NRIP1: variants seen among roughly 807,000 people sequenced by gnomAD.
NRIP1 encodes the protein nuclear receptor-interacting protein 1.
In NRIP1, 28 loss-of-function variants were observed where a neutral mutation model predicts 75.0. The observed-to-expected ratio is 0.37, with a 90% CI of 0.28 to 0.51. The LOEUF is 0.51. NRIP1 is among the 20% of genes least tolerant of loss of function. The pLI is 0.92. For synonymous variants in NRIP1, 526 were observed against 487.6 expected (o/e 1.08, Z -1.04); for missense variants, 1,435 against 1,343.7 (o/e 1.07, Z -1.06).
chr21:15,010,141 C>A lies in NRIP1; in HGVS notation c.-335+4203G>T, dbSNP rs2088068369. 2.0e-5 allele frequency among the ~76,000 whole-genome samples: 3 copies of A among 152,070 alleles called. No homozygotes were observed. The South Asian group carries it at 6.2e-4, about 32-fold the overall frequency. On this transcript the variant is annotated intron_variant, in intron 3 of 3. Coordinates refer to ENST00000318948, the MANE Select transcript of NRIP1 (RefSeq NM_003489.4). Reference sequence around the variant, plus strand: ...ACCTCTAATCCAGAATGAAGAAATTCTAGTTATCTAAATAAAATGCATAAG... The same window carrying A: ...ACCTCTAATCCAGAATGAAGAAATTATAGTTATCTAAATAAAATGCATAAG...
chr21:15,048,019 C>T (rs2089123957), intron 1 of NRIP1, among the ~76,000 whole-genome samples: 1 of 151,850 alleles, frequency 6.6e-6, no homozygotes, highest in Admixed American at 6.6e-5. Context: ...ACAGGGAATC[C>T]CAAGGAAAGG....
chr21:14,995,901 T>A (rs918345524), intron 3 of NRIP1, among the ~76,000 whole-genome samples: 5 of 152,156 alleles, frequency 3.3e-5, no homozygotes, highest in African/African-American at 1.2e-4. Context: ...AGTTTCTATT[T>A]CACTTAAGAA....
intron 1 of NRIP1, among the ~76,000 whole-genome samples, chr21:15,052,745 T>A (rs2089228789): frequency 6.6e-6 from 1 of 152,158 alleles, no homozygotes; most frequent in African/African-American, 2.4e-5. Context: ...GAAAAACACT[T>A]CCTAATTCAC....
At chr21:15,031,030 CTGG>C (rs1568993325) in intron 2 of NRIP1, among the ~76,000 whole-genome samples, 1 of 134,006 alleles carries the variant, frequency 7.5e-6, no homozygotes, top group East Asian at 2.0e-4. Flanking sequence ...TGTGTATACT[CTGG>C]AAGGCGGTTG....
rs2086803675 is a variant in NRIP1, at chr21:14,967,976, A to G, written c.217T>C (p.Tyr73His). Residue 73 changes from tyrosine to histidine, a missense_variant, in exon 4 of 4, where the codon TAT (tyrosine) becomes CAT (histidine). Transcript: ENST00000318948. The part of the protein sequence containing the change: ...SNGPVLNTHT[Y>H]QGSGMLHLKK... ...AGGTGCAGCATGCCAGACCCCTGAT[A>G]TGTATGTGTATTGAGAACTGGACCA... The G allele has an allele frequency of 6.2e-7, 1 of 1,613,874 alleles. No homozygotes were observed. Among genetic ancestry groups the G allele is most frequent in the Admixed American group, 1.7e-5 (1 of 59,946 alleles).
chr21:15,011,253 G>C (rs1034913987), intron 3 of NRIP1, among the ~76,000 whole-genome samples: 1 of 151,932 alleles, frequency 6.6e-6, no homozygotes, highest in African/African-American at 2.4e-5. Flanking sequence ...GCAGTGGCGC[G>C]ATCTCAGCTC....
intron 2 of NRIP1, among the ~76,000 whole-genome samples, chr21:15,037,664 C>CA (rs11447674): frequency 0.12 from 17,800 of 152,032 alleles, 1,094 homozygotes; most frequent in Admixed American, 0.16. Flanking sequence ...TAGTAGGGTT[C>CA]AAAAGACATC....
intron 2 of NRIP1, among the ~76,000 whole-genome samples, chr21:15,020,332 C>T (rs1031257502): frequency 6.6e-6 from 1 of 152,164 alleles, no homozygotes; most frequent in Non-Finnish European, 1.5e-5. Flanking sequence ...AAATATGCCA[C>T]TGCAATTAAA....
At chr21:15,022,664 A>G (rs1215974394) in intron 2 of NRIP1, among the ~76,000 whole-genome samples, 2 of 152,244 alleles carry the variant, frequency 1.3e-5, no homozygotes, top group African/African-American at 4.8e-5. Context: ...TGGAGAATGC[A>G]AAAGTAGAAT....
At chr21:15,011,090 T>TAA (rs201378878) in intron 3 of NRIP1, among the ~76,000 whole-genome samples, 66 of 151,270 alleles carry the variant, frequency 4.4e-4, no homozygotes, top group Non-Finnish European at 7.8e-4. Flanking sequence ...CTTAAACAAA[T>TAA]AAAAAAAAAT....
intron 3 of NRIP1, among the ~76,000 whole-genome samples, chr21:14,973,363 A>G (rs933258693): frequency 6.6e-5 from 10 of 152,180 alleles, no homozygotes; most frequent in Non-Finnish European, 1.5e-4. Context: ...TTACAAACTA[A>G]GTAGATTATA....
chr21:14,985,808 C>T (rs1350929386), intron 3 of NRIP1, among the ~76,000 whole-genome samples: 1 of 152,002 alleles, frequency 6.6e-6, no homozygotes, highest in African/African-American at 2.4e-5. Context: ...TTTTCCTTTT[C>T]AAATTACCTC....
intron 3 of NRIP1, among the ~76,000 whole-genome samples, chr21:14,988,799 G>A (rs902303639): frequency 1.3e-5 from 2 of 152,108 alleles, no homozygotes; most frequent in Non-Finnish European, 2.9e-5. Flanking sequence ...GGAATTCAGA[G>A]GGAGACAGAA....
In NRIP1 at chr21:14,964,966, C is replaced by T; in HGVS notation, c.3227G>A (p.Gly1076Asp). The T allele has an allele frequency of 6.2e-7, 1 of 1,613,950 alleles. No individual in the cohort carries two copies. Among genetic ancestry groups the T allele is most frequent in the East Asian group, 2.2e-5 (1 of 44,886 alleles). The part of the protein sequence containing the change: ...PILYYMLQKG[G>D]NSVTSRETQD... Reference sequence around the variant, plus strand: ...TGTTTCTCGACTGGTAACAGAATTGCCTCCTTTTTGAAGCATGTAATATAG... The same window carrying T: ...TGTTTCTCGACTGGTAACAGAATTGTCTCCTTTTTGAAGCATGTAATATAG... Residue 1076 changes from glycine (G) to aspartate (D), a missense_variant, in exon 4 of 4, where the codon GGC becomes GAC. Gly to Asp is a moderately conservative substitution (Grantham distance 94). Coordinates refer to ENST00000318948, the MANE Select transcript of NRIP1 (RefSeq NM_003489.4).
chr21:15,034,509 T>G (rs2088787785), intron 2 of NRIP1, among the ~76,000 whole-genome samples: 1 of 152,108 alleles, frequency 6.6e-6, no homozygotes, highest in Non-Finnish European at 1.5e-5. Flanking sequence ...GGGGAAAAAA[T>G]GAATATTATT....
At position 14,962,001 on chromosome 21, in the gene NRIP1, T is replaced by A. The variant is rs1199633651; in HGVS notation, c.*2715A>T. Reference sequence around the variant, plus strand: ...CATCTTCATGTAACAAGTCAATATATATATATATACATATTATATATATAT... The same window carrying A: ...CATCTTCATGTAACAAGTCAATATAAATATATATACATATTATATATATAT... On this transcript the variant is annotated 3_prime_UTR_variant, in exon 4 of 4. Coordinates refer to ENST00000318948, the MANE Select transcript of NRIP1 (RefSeq NM_003489.4). 8.7e-6 allele frequency: 1 copy of A among 114,546 alleles called. No individual in the cohort carries two copies. The highest frequency in any genetic ancestry group is 1.7e-5 in the Non-Finnish European group (1 of 59,142). The allele number at this position is 114,546 out of a possible 1,614,324, so 7.1% of individuals were successfully genotyped here. A position where few individuals can be genotyped will look rare whatever the true frequency, so the allele number is the denominator to read the frequency against.
chr21:15,023,615 T>C (rs1446313924), intron 2 of NRIP1, among the ~76,000 whole-genome samples: 1 of 152,186 alleles, frequency 6.6e-6, no homozygotes, highest in Non-Finnish European at 1.5e-5. Flanking sequence ...AAATACTCAG[T>C]ATCGTAAAAT....
intron 2 of NRIP1, among the ~76,000 whole-genome samples, chr21:15,023,719 A>C (rs958631607): frequency 1.3e-5 from 2 of 152,240 alleles, no homozygotes; most frequent in African/African-American, 4.8e-5. Flanking sequence ...TGCATGGAGC[A>C]GCAAAAGCCC....
chr21:15,022,083 C>A (rs529281444), intron 2 of NRIP1, among the ~76,000 whole-genome samples: 6 of 152,212 alleles, frequency 3.9e-5, no homozygotes, highest in Non-Finnish European at 8.8e-5. Context: ...CATAAAGACA[C>A]ATGCACATGT....
Sources: allele counts gnomAD v4.1 joint callset (sites outside exome capture counted in the v4.1 genomes callset), GRCh38; gene constraint gnomAD v4.1.1; transcripts MANE v1.5; gene names NCBI Gene and HGNC (gene_info 2026-07-23, HGNC 2026-07-21).